The following RBFOX1 variants were observed in gnomAD, a reference collection of about 807,000 sequenced individuals.
RBFOX1 encodes the protein RNA binding protein fox-1 homolog 1.
A neutral mutation model predicts 57.7 loss-of-function variants in RBFOX1; 8 were observed. The observed-to-expected ratio is 0.14, with a 90% CI of 0.08 to 0.25. RBFOX1 has a LOEUF of 0.25. Among genes scored for constraint, RBFOX1 ranks in the 10% least tolerant of loss-of-function variants. RBFOX1 has a pLI of 1.00. For synonymous variants in RBFOX1, 326 were observed against 222.4 expected (o/e 1.47, Z -4.15); for missense variants, 611 against 548.5 (o/e 1.11, Z -1.14).
rs548549818 is a variant in RBFOX1, at chr16:6,031,746, C to A, written c.-127+11754C>A. ...GGAGATTGCTGACTTCAGAGCCCAG[C>A]AGAATGAGGGTCAGTGTTGCTGGGC... On this transcript the variant is annotated intron_variant, in intron 1 of 15. Coordinates refer to ENST00000550418, the MANE Select transcript of RBFOX1 (RefSeq NM_018723.4). Among the ~76,000 whole-genome samples the A allele has an allele frequency of 2.0e-5, 3 of 152,218 alleles. 1 individual carries two copies. The South Asian group carries it at 6.2e-4, about 31-fold the overall frequency.
intron 1 of RBFOX1, among the ~76,000 whole-genome samples, chr16:5,282,779 T>G (rs1186037232): frequency 6.6e-6 from 1 of 152,196 alleles, no homozygotes; most frequent in Non-Finnish European, 1.5e-5. Context: ...CATAAAAGTT[T>G]GGAAAATTTG....
chr16:7,185,936 C>T (rs1005275281), intron 4 of RBFOX1, among the ~76,000 whole-genome samples: 10 of 152,154 alleles, frequency 6.6e-5, no homozygotes, highest in African/African-American at 1.9e-4. Flanking sequence ...CTTCCTGACC[C>T]TTTCTCCCCG....
At chr16:6,779,947 T>A (rs866475570) in intron 3 of RBFOX1, among the ~76,000 whole-genome samples, 11 of 26,730 alleles carry the variant, frequency 4.1e-4, no homozygotes, top group Non-Finnish European at 5.2e-4. Context: ...TTATATATAT[T>A]TATATATTTA....
chr16:7,125,850 C>G (rs149820855), intron 4 of RBFOX1, among the ~76,000 whole-genome samples: 1 of 152,076 alleles, frequency 6.6e-6, no homozygotes, highest in African/African-American at 2.4e-5. Context: ...TGGGAGGCTG[C>G]GGTGGGTGGA....
At chr16:7,648,741 G>C (rs144789794) in intron 11 of RBFOX1, among the ~76,000 whole-genome samples, 1,538 of 152,210 alleles carry the variant, frequency 0.01, 11 homozygotes, top group Non-Finnish European at 0.016. Flanking sequence ...TACCTGTCTG[G>C]GGCCAAAACT....
chr16:7,544,156 C>G (rs2083768586), intron 5 of RBFOX1, among the ~76,000 whole-genome samples: 1 of 152,198 alleles, frequency 6.6e-6, no homozygotes, highest in African/African-American at 2.4e-5. Flanking sequence ...CTCCTAAAGA[C>G]TGGGCTTTGA....
rs2095665497 is a variant in RBFOX1, at chr16:6,060,125, T to TTTTG, written c.-127+40136_-127+40137insGTTT. 4.1e-4 allele frequency among the ~76,000 whole-genome samples: 4 copies of TTTTG among 9,674 alleles called. 1 individual carries two copies. In the East Asian group the frequency reaches 8.9e-3, roughly 22 times the overall value. 6.3% of individuals were successfully genotyped at this position (9,674 alleles called of 152,430 possible). The stretch of plus-strand genomic sequence containing the variant: ...TGGCCCTAAAATTAGGATTAGGGTT[T>TTTTG]TTTTTTTTTTTTTTTTTTTTTTTTT... On this transcript the variant is annotated intron_variant, in intron 1 of 15. Coordinates refer to ENST00000550418, the MANE Select transcript of RBFOX1 (RefSeq NM_018723.4).
At chr16:6,581,693 T>C (rs7205791) in intron 2 of RBFOX1, among the ~76,000 whole-genome samples, 79,487 of 152,058 alleles carry the variant, frequency 0.52, 21,413 homozygotes, top group East Asian at 0.67. Flanking sequence ...CCTCATGGGT[T>C]CTGCTTAGCT....
At chr16:5,286,133 T>G (rs750359538) in intron 1 of RBFOX1, among the ~76,000 whole-genome samples, 5 of 152,196 alleles carry the variant, frequency 3.3e-5, no homozygotes, top group Non-Finnish European at 5.9e-5. Context: ...CCAGGAAGTC[T>G]TGTCCTTCGG....
At chr16:7,456,358 A>G (rs1212580142) in intron 4 of RBFOX1, among the ~76,000 whole-genome samples, 1 of 152,216 alleles carries the variant, frequency 6.6e-6, no homozygotes, top group Non-Finnish European at 1.5e-5. Flanking sequence ...TTTAATGTAT[A>G]GTCACCCAAG....
At chr16:6,761,500 C>CTTTATT (rs2076588508) in intron 3 of RBFOX1, among the ~76,000 whole-genome samples, 2 of 60,128 alleles carry the variant, frequency 3.3e-5, no homozygotes, top group Admixed American at 6.2e-4. Context: ...TCCCAATCTC[C>CTTTATT]TTTTTTTTTT....
At chr16:6,048,842 T>A (rs116658425) in intron 1 of RBFOX1, among the ~76,000 whole-genome samples, 99 of 152,142 alleles carry the variant, frequency 6.5e-4, no homozygotes, top group African/African-American at 2.3e-3. Flanking sequence ...ATGACACAGG[T>A]GGTGATGGTT....
intron 4 of RBFOX1, among the ~76,000 whole-genome samples, chr16:5,942,960 G>A (rs368634808): frequency 8.5e-5 from 13 of 152,240 alleles, no homozygotes; most frequent in African/African-American, 3.1e-4. Flanking sequence ...GGGCTGGTAG[G>A]GCTTGACTGC....
At chr16:5,319,304 G>A (rs1402520036) in intron 1 of RBFOX1, among the ~76,000 whole-genome samples, 1 of 152,188 alleles carries the variant, frequency 6.6e-6, no homozygotes, top group African/African-American at 2.4e-5. Flanking sequence ...GCTGATGGAT[G>A]ACTAGGAGCC....
At chr16:6,913,599 C>A (rs1282686119) in intron 3 of RBFOX1, among the ~76,000 whole-genome samples, 2 of 152,140 alleles carry the variant, frequency 1.3e-5, no homozygotes, top group Non-Finnish European at 2.9e-5. Context: ...CATCCCCAAG[C>A]TTTTCCCAGA....
chr16:6,837,169 T>C (rs971180173), intron 3 of RBFOX1, among the ~76,000 whole-genome samples: 2 of 152,170 alleles, frequency 1.3e-5, no homozygotes, highest in Non-Finnish European at 2.9e-5. Context: ...GTTTTCTGAG[T>C]TTAAATAACT....
intron 3 of RBFOX1, among the ~76,000 whole-genome samples, chr16:6,998,778 C>T (rs1347649263): frequency 3.3e-5 from 5 of 152,086 alleles, no homozygotes; most frequent in Non-Finnish European, 7.4e-5. Flanking sequence ...CATTTTATTA[C>T]AGACTCCAGT....
chr16:7,401,576 C>T (rs1402858217), intron 4 of RBFOX1, among the ~76,000 whole-genome samples: 2 of 152,236 alleles, frequency 1.3e-5, no homozygotes, highest in South Asian at 2.1e-4. Context: ...AGAAATTTTT[C>T]CCTATGTTGT....
At chr16:6,656,141 T>G (rs1387980907) in intron 3 of RBFOX1, among the ~76,000 whole-genome samples, 1 of 152,122 alleles carries the variant, frequency 6.6e-6, no homozygotes, top group Non-Finnish European at 1.5e-5. Flanking sequence ...AATTGCTGCT[T>G]AGGTGAAGCG....
Sources: gnomAD v4.1 joint callset for allele counts (sites outside exome capture counted in the v4.1 genomes callset) on GRCh38, gnomAD v4.1.1 for gene constraint, MANE v1.5 for transcripts, NCBI Gene and HGNC (gene_info 2026-07-23, HGNC 2026-07-21) for gene names.